Variants in BBS9 observed in about 807,000 individuals in gnomAD.
The protein encoded by BBS9 is protein PTHB1.
Under a neutral mutation model 117.7 loss-of-function variants are expected in BBS9, and 89 were observed. That is an observed-to-expected ratio of 0.76 (90% CI 0.64 to 0.90). BBS9 has a LOEUF of 0.90. Ranked by LOEUF, BBS9 falls within the 40% of genes least tolerant of loss-of-function variation. BBS9 has a pLI of 0.00. For synonymous variants in BBS9, 379 were observed against 370.9 expected, an observed-to-expected ratio of 1.02 and a Z score of -0.25; for missense variants, 982 against 1,042.2, an observed-to-expected ratio of 0.94 and a Z score of 0.80.
chr7:33,386,794 G>A (rs914018313), intron 18 of BBS9, among the ~76,000 whole-genome samples: 1 of 151,836 alleles, frequency 6.6e-6, no homozygotes. Context: ...GTGCCCGGCC[G>A]CTTTCTTTTA....
At chr7:33,148,776 C>G (rs867588803) in intron 2 of BBS9, among the ~76,000 whole-genome samples, 3 of 149,906 alleles carry the variant, frequency 2.0e-5, no homozygotes, top group Non-Finnish European at 3.0e-5. Flanking sequence ...CCCACCATGC[C>G]TGGCTAATTT....
downstream of BBS9, among the ~76,000 whole-genome samples, chr7:33,610,615 C>A (rs1864807343): frequency 6.6e-6 from 1 of 152,068 alleles, no homozygotes; most frequent in African/African-American, 2.4e-5. Flanking sequence ...CCCCCATGGC[C>A]TAATCACCTC....
intron 19 of BBS9, among the ~76,000 whole-genome samples, chr7:33,424,409 A>G (rs1437029404): frequency 6.6e-6 from 1 of 152,208 alleles, no homozygotes; most frequent in Non-Finnish European, 1.5e-5. Context: ...TAAAAAATAC[A>G]GATTCCTGAG....
chr7:33,417,865 C>T (rs1291042233), intron 19 of BBS9, among the ~76,000 whole-genome samples: 1 of 152,118 alleles, frequency 6.6e-6, no homozygotes, highest in Non-Finnish European at 1.5e-5. Flanking sequence ...ATAGAAACAA[C>T]AAAGGTTTCT....
At chr7:33,170,893 C>A (rs1398354033) in intron 4 of BBS9, among the ~76,000 whole-genome samples, 1 of 151,838 alleles carries the variant, frequency 6.6e-6, no homozygotes, top group Admixed American at 6.6e-5. Context: ...ATCCAACTTA[C>A]AAGGGATGTG....
At chr7:33,148,965 G>A (rs981976700) in intron 2 of BBS9, among the ~76,000 whole-genome samples, 1 of 152,140 alleles carries the variant, frequency 6.6e-6, no homozygotes, top group African/African-American at 2.4e-5. Flanking sequence ...GTTCATTAGT[G>A]TCCATGACAA....
chr7:33,311,003 A>G (rs1182021031), intron 9 of BBS9, among the ~76,000 whole-genome samples: 1 of 152,222 alleles, frequency 6.6e-6, no homozygotes, highest in Non-Finnish European at 1.5e-5. Flanking sequence ...AGTACTGTGA[A>G]GGAATAGTAG....
At chr7:33,318,236 T>C (rs1810950451) in intron 9 of BBS9, among the ~76,000 whole-genome samples, 1 of 152,220 alleles carries the variant, frequency 6.6e-6, no homozygotes, top group Admixed American at 6.5e-5. Context: ...CTTGACTTAA[T>C]TGCCCTCTGA....
chr7:33,246,032 A>G (rs184001611), intron 5 of BBS9, among the ~76,000 whole-genome samples: 55 of 152,180 alleles, frequency 3.6e-4, no homozygotes, highest in Non-Finnish European at 6.8e-4. Context: ...ACATGATTGC[A>G]TTTGTATATT....
chr7:33,318,784 C>T (rs1241558613), intron 9 of BBS9, among the ~76,000 whole-genome samples: 2 of 152,072 alleles, frequency 1.3e-5, no homozygotes, highest in Non-Finnish European at 2.9e-5. Context: ...CATTCTTATG[C>T]CTTTGCATCC....
At chr7:33,372,154 A>G (rs553601011) in intron 17 of BBS9, among the ~76,000 whole-genome samples, 207 of 152,302 alleles carry the variant, frequency 1.4e-3, no homozygotes, top group Admixed American at 2.6e-3. Context: ...TGGATCAGAT[A>G]TTGAGAACAA....
At chr7:33,400,947 C>T (rs1828806094) in intron 19 of BBS9, among the ~76,000 whole-genome samples, 1 of 152,158 alleles carries the variant, frequency 6.6e-6, no homozygotes, top group African/African-American at 2.4e-5. Context: ...TGTCACACTA[C>T]CTGAGAATCA....
chr7:33,243,241 T>A (rs1467546473), intron 5 of BBS9, among the ~76,000 whole-genome samples: 1 of 152,220 alleles, frequency 6.6e-6, no homozygotes, highest in African/African-American at 2.4e-5. Flanking sequence ...TTCCTCCTTG[T>A]ATGACATTGG....
chr7:33,441,635 A>G (rs1289724285), intron 19 of BBS9, among the ~76,000 whole-genome samples: 1 of 152,190 alleles, frequency 6.6e-6, no homozygotes, highest in Non-Finnish European at 1.5e-5. Context: ...TATATTTATA[A>G]TATCTCTATT....
chr7:33,140,086 C>T (rs1048794220), intron 1 of BBS9, among the ~76,000 whole-genome samples: 2 of 152,014 alleles, frequency 1.3e-5, no homozygotes, highest in African/African-American at 2.4e-5. Context: ...AGTGCAGTGG[C>T]GTGATCTTGG....
intron 5 of BBS9, among the ~76,000 whole-genome samples, chr7:33,256,735 G>A (rs936655710): frequency 6.6e-6 from 1 of 152,064 alleles, no homozygotes; most frequent in Non-Finnish European, 1.5e-5. Flanking sequence ...TACAAGATTG[G>A]CCTTTTATTT....
At chr7:33,304,547 T>C (rs973233636) in intron 9 of BBS9, among the ~76,000 whole-genome samples, 3 of 151,968 alleles carry the variant, frequency 2.0e-5, no homozygotes, top group Admixed American at 2.0e-4. Flanking sequence ...GGCTGCCCTG[T>C]CTGGGAAGTG....
chr7:33,320,180 A>G (rs1458664082), intron 9 of BBS9, among the ~76,000 whole-genome samples: 1 of 152,172 alleles, frequency 6.6e-6, no homozygotes, highest in African/African-American at 2.4e-5. Context: ...GTGCTAGCAA[A>G]TACTAGATCT....
At chr7:33,344,413 A>C (rs1014351668) in intron 11 of BBS9, among the ~76,000 whole-genome samples, 168 bp from the exon 12 acceptor site, 3 of 152,154 alleles carry the variant, frequency 2.0e-5, no homozygotes, top group African/African-American at 7.2e-5. Context: ...TTCTGGACGA[A>C]GGCATCAAAA....
Sources: gnomAD v4.1 joint callset for allele counts (sites outside exome capture counted in the v4.1 genomes callset) on GRCh38, gnomAD v4.1.1 for gene constraint, MANE v1.5 for transcripts, NCBI Gene and HGNC (gene_info 2026-07-23, HGNC 2026-07-21) for gene names.